The following UMODL1 variants were observed in gnomAD, a reference collection of about 807,000 sequenced individuals.
UMODL1 encodes the protein uromodulin-like 1.
A neutral mutation model predicts 136.3 loss-of-function variants in UMODL1; 128 were observed. The observed-to-expected ratio is 0.94, with a 90% confidence interval of 0.81 to 1.09. UMODL1 has a LOEUF of 1.09. Ranked by LOEUF, UMODL1 falls within the 50% of genes least tolerant of loss-of-function variation. The probability of loss-of-function intolerance (pLI) is 0.00; values close to 1 mark genes in which losing one functional copy is unlikely to be tolerated. For missense variants in UMODL1, 1,766 were observed against 1,725.6 expected (o/e 1.02, Z -0.41); for synonymous variants, 721 against 720.0 (o/e 1.00, Z -0.02).
intron 21 of UMODL1, among the ~76,000 whole-genome samples, chr21:42,136,259 C>G (rs1601287939): frequency 6.6e-6 from 1 of 152,172 alleles, no homozygotes; most frequent in Non-Finnish European, 1.5e-5. Context: ...GAGTAAACGA[C>G]TCAGTGGTGT....
chr21:42,093,637 A>AGG, intron 6 of UMODL1: 1 of 256,096 alleles, frequency 3.9e-6, no homozygotes, highest in African/African-American at 2.3e-5. Context: ...CCCCATCACC[A>AGG]GGAACGTTCC....
intron 19 of UMODL1, 113 bp downstream of exon 19, chr21:42,127,355 A>G: frequency 9.5e-7 from 1 of 1,047,418 alleles, no homozygotes; most frequent in Non-Finnish European, 1.5e-6. Context: ...GGGCTTCATT[A>G]ACAATAGGTA....
At chr21:42,077,756 G>A (rs563147300) in intron 2 of UMODL1, among the ~76,000 whole-genome samples, 1 of 152,328 alleles carries the variant, frequency 6.6e-6, no homozygotes, top group Non-Finnish European at 1.5e-5. Context: ...TCTTAGCTAA[G>A]GGAGAGTCCA....
intron 16 of UMODL1, 87 bp downstream of exon 16, chr21:42,121,311 C>T: frequency 3.4e-6 from 5 of 1,482,906 alleles, no homozygotes; most frequent in Admixed American, 2.2e-5. Context: ...GCTTCTTGTC[C>T]CTCTGAGGTC....
At chr21:42,098,157 G>C (rs2066580215) in intron 6 of UMODL1, among the ~76,000 whole-genome samples, 1 of 146,918 alleles carries the variant, frequency 6.8e-6, no homozygotes, top group Non-Finnish European at 1.5e-5. Flanking sequence ...TCTGTACGAT[G>C]ACTGTATACG....
At chr21:42,132,018 GT>G (rs904865794) in intron 21 of UMODL1, among the ~76,000 whole-genome samples, 3 of 152,174 alleles carry the variant, frequency 2.0e-5, no homozygotes, top group Non-Finnish European at 4.4e-5. Context: ...TGACTAGGGG[GT>G]GAAAAGCACT....
rs772802966 is a variant in UMODL1 at position 42,121,243 on chromosome 21, C to T, written c.2827+19C>T. On this transcript the variant is annotated intron_variant, in intron 16 of 22. Transcript: ENST00000408910. ...TGTGAAGGTAATGTCGTCAGAGTTT[C>T]TTCTTCTGGAATACTGTATCATAAT... is the stretch of plus-strand genomic sequence containing the variant. The T allele has an allele frequency of 3.4e-5, 55 of 1,599,976 alleles. No individual in the cohort carries two copies. The Admixed American group carries it at 8.2e-4, about 24-fold the overall frequency.
At position 42,104,001 on chromosome 21, in the gene UMODL1, T is replaced by C. The variant is rs371045671; in HGVS notation, c.1433T>C (p.Met478Thr). Residue 478 changes from methionine to threonine, a missense_variant, in exon 9 of 23, where the codon ATG becomes ACG. Transcript: ENST00000408910. ...KLTVQDPGFP[M>T]GISTLAPILQ... ...ACCGTGCAGGACCCCGGGTTTCCCA[T>C]GGGCATCTCCACGCTGGCCCCCATA... The C allele has an allele frequency of 3.1e-6, 5 of 1,614,018 alleles. No homozygotes were observed. The highest frequency in any genetic ancestry group is 4.2e-6 in the Non-Finnish European group (5 of 1,180,034).
chr21:42,071,211 G>A (rs79846567), upstream of UMODL1: 720 of 1,236,110 alleles, frequency 5.8e-4, 7 homozygotes, highest in East Asian at 0.019. Context: ...CAGAAAGGCC[G>A]TTTCTCCAGG....
intron 7 of UMODL1, among the ~76,000 whole-genome samples, chr21:42,100,244 G>A (rs2066610227): frequency 6.6e-6 from 1 of 152,108 alleles, no homozygotes; most frequent in Non-Finnish European, 1.5e-5. Flanking sequence ...GTGGGCTTTG[G>A]GCTTCATGTC....
intron 5 of UMODL1, among the ~76,000 whole-genome samples, chr21:42,089,964 C>T (rs971684699): frequency 5.3e-5 from 8 of 152,192 alleles, no homozygotes; most frequent in Admixed American, 1.3e-4. Flanking sequence ...ATTTACTTTA[C>T]GCTTGGGGTG....
chr21:42,086,742 G>A (rs1269837464), intron 4 of UMODL1: 1 of 422,054 alleles, frequency 2.4e-6, no homozygotes, highest in Non-Finnish European at 4.8e-6. Context: ...GAGGCAGGCG[G>A]ATCACTTGAG....
At chr21:42,140,345 G>A (rs1375343788) in intron 22 of UMODL1, among the ~76,000 whole-genome samples, 1 of 104,454 alleles carries the variant, frequency 9.6e-6, no homozygotes, top group East Asian at 3.2e-4. Flanking sequence ...GAAGGGATAG[G>A]TGTCCCAGGT....
Position 42,098,934 on chromosome 21 carries a change from C to A in UMODL1, c.940C>A (p.Pro314Thr). Residue 314 changes from proline to threonine, a missense_variant, in exon 7 of 23, where the codon CCA becomes ACA. Physicochemically the swap from Pro to Thr is conservative, Grantham distance 38. Coordinates refer to ENST00000408910, the MANE Select transcript of UMODL1 (RefSeq NM_001004416.3). The part of the protein sequence containing the change: ...KLNLEWEDCP[P>T]VSDYVVLNVT... ...TGTCTGTGCTTTCGTAGATTGTCCT[C>A]CAGTCAGTGACTACGTGGTCCTCAA... 4 of 1,614,174 alleles carry A rather than the reference C, an allele frequency of 2.5e-6. No individual in the cohort carries two copies. Among genetic ancestry groups the A allele is most frequent in the South Asian group, 1.1e-5 (1 of 91,078 alleles).
rs1470539828 is a variant in UMODL1, at chr21:42,126,446, C to A, written c.3249C>A (p.Phe1083Leu). ...LKILSPIYCAFQNDLLTSSGF... is the reference protein window; with the variant it reads ...LKILSPIYCALQNDLLTSSGF... ...TCCTGAGCCCCATCTACTGCGCCTT[C>A]CAGAATGACCTGCTGACATCCTCCG... Residue 1083 changes from phenylalanine to leucine, a missense_variant, in exon 18 of 23, where the codon TTC becomes TTA. By Grantham distance (22) the Phe-to-Leu change is conservative (BLOSUM62 0). Transcript: ENST00000408910. The A allele has an allele frequency of 1.2e-6, 2 of 1,614,254 alleles. No homozygotes were observed. The highest frequency in any genetic ancestry group is 8.5e-7 in the Non-Finnish European group (1 of 1,180,046).
At chr21:42,130,482 A>T (rs1029466944) in intron 21 of UMODL1, among the ~76,000 whole-genome samples, 5 of 152,246 alleles carry the variant, frequency 3.3e-5, no homozygotes, top group African/African-American at 1.2e-4. Flanking sequence ...GTATTAAGAG[A>T]GAAACCGCTA....
In UMODL1 at chr21:42,109,685, G is replaced by T; in HGVS notation, c.1643G>T (p.Gly548Val). 6.2e-7 allele frequency: 1 copy of T among 1,603,948 alleles called. No homozygotes were observed. The highest frequency in any genetic ancestry group is 2.2e-5 in the East Asian group (1 of 44,880). The stretch of plus-strand genomic sequence containing the variant: ...AGGGACGCCACCCCCTCCCGCGCAG[G>T]CCGGGCCTGTGAGGGTACGTGTCGA... Reference protein sequence around the residue: ...TTRDATPSRAGRACEGDLVSP... With the variant: ...TTRDATPSRAVRACEGDLVSP... The change falls in exon 10 of 23, where the codon GGC becomes GTC. Residue 548 changes from glycine to valine, a missense_variant. By Grantham distance (109) the Gly-to-Val change is moderately radical. Transcript: ENST00000408910.
At chr21:42,079,202 T>C (rs997775303) in intron 2 of UMODL1, among the ~76,000 whole-genome samples, 4 of 152,152 alleles carry the variant, frequency 2.6e-5, no homozygotes, top group African/African-American at 9.7e-5. Flanking sequence ...GCCCCACCCA[T>C]GCCCACCATC....
At chr21:42,103,396 G>A in intron 8 of UMODL1, 1 of 315,694 alleles carries the variant, frequency 3.2e-6, no homozygotes, top group Non-Finnish European at 6.3e-6. Context: ...TCCCTTGCTT[G>A]GGCATGGGTA....
Sources: gnomAD v4.1 joint callset for allele counts (sites outside exome capture counted in the v4.1 genomes callset) on GRCh38, gnomAD v4.1.1 for gene constraint, MANE v1.5 for transcripts, NCBI Gene and HGNC (gene_info 2026-07-23, HGNC 2026-07-21) for gene names.